SLC17A5: variants seen among roughly 807,000 people sequenced by gnomAD.
SLC17A5 encodes the protein solute carrier family 17 member 5.
SLC17A5 carries 47 observed loss-of-function variants against 59.4 expected under a neutral mutation model. The observed-to-expected ratio is 0.79, with a 90% confidence interval of 0.63 to 1.01. The LOEUF is 1.01. SLC17A5 is among the 50% of genes least tolerant of loss of function. The pLI is 0.00. For synonymous variants in SLC17A5, 202 were observed against 210.7 expected (o/e 0.96, Z 0.36); for missense variants, 522 against 595.5 (o/e 0.88, Z 1.28).
intron 7 of SLC17A5, among the ~76,000 whole-genome samples, chr6:73,621,016 A>G (rs1200486280): frequency 6.9e-6 from 1 of 144,758 alleles, no homozygotes; most frequent in Non-Finnish European, 1.5e-5. Context: ...TATTATTATT[A>G]TTTTTTGAGA....
intron 7 of SLC17A5, among the ~76,000 whole-genome samples, chr6:73,616,199 A>C (rs1456079721): frequency 6.6e-6 from 1 of 152,068 alleles, no homozygotes; most frequent in East Asian, 1.9e-4. Flanking sequence ...AGTCTTTCTA[A>C]TGACCATCTA....
intron 1 of SLC17A5, chr6:73,653,457 A>AC (rs2150127585): frequency 1.0e-6 from 1 of 984,986 alleles, no homozygotes; most frequent in East Asian, 1.1e-4. Flanking sequence ...GCTCAGCACT[A>AC]CCCAAAATAA....
At chr6:73,651,384 C>A (rs993790860) in intron 1 of SLC17A5, among the ~76,000 whole-genome samples, 4 of 128,818 alleles carry the variant, frequency 3.1e-5, no homozygotes, top group Non-Finnish European at 6.3e-5. Context: ...TCACTTGAAC[C>A]GGGGAGGCTG....
chr6:73,596,903 G>A (rs1013743569), intron 10 of SLC17A5, among the ~76,000 whole-genome samples: 2 of 152,122 alleles, frequency 1.3e-5, no homozygotes, highest in African/African-American at 4.8e-5. Flanking sequence ...GCTCATGCTT[G>A]TAATCCCAGC....
chr6:73,631,923 C>T (rs916455543), intron 6 of SLC17A5, among the ~76,000 whole-genome samples: 3 of 151,074 alleles, frequency 2.0e-5, no homozygotes, highest in African/African-American at 7.4e-5. Flanking sequence ...GTAGATGCTG[C>T]ACATTTCTTG....
intron 9 of SLC17A5, among the ~76,000 whole-genome samples, chr6:73,601,488 C>T (rs1380281898): frequency 7.4e-6 from 1 of 135,268 alleles, no homozygotes; most frequent in Non-Finnish European, 1.6e-5. Context: ...GCCTGGCCAG[C>T]CGCCCCGTCC....
At position 73,601,111 on chromosome 6, in the gene SLC17A5, C is replaced by T. The variant is rs1175811922; in HGVS notation, c.1260-670G>A. On this transcript the variant is annotated intron_variant, in intron 9 of 10. Coordinates refer to ENST00000355773, the MANE Select transcript of SLC17A5 (RefSeq NM_012434.5). Reference sequence around the variant, plus strand: ...CTAGGAAGTGAGGAGCGCCTCTTCCCGGCAGCCATCCCATCTGGGAAGTGA... The same window carrying T: ...CTAGGAAGTGAGGAGCGCCTCTTCCTGGCAGCCATCCCATCTGGGAAGTGA... 5.3e-5 allele frequency among the ~76,000 whole-genome samples: 8 copies of T among 151,072 alleles called. No homozygotes were observed. The East Asian group carries it at 9.8e-4, about 19-fold the overall frequency.
Position 73,593,436 on chromosome 6 carries a change from A to G in SLC17A5, c.*1641T>C, listed in dbSNP as rs1766657488. 1 of 152,284 alleles carries G rather than the reference A, an allele frequency of 6.6e-6. No individual in the cohort carries two copies. Among genetic ancestry groups the G allele is most frequent in the African/African-American group, 2.4e-5 (1 of 41,472 alleles). The allele number at this position is 152,284 out of a possible 1,614,324, so 9.4% of individuals were successfully genotyped here. A position where few individuals can be genotyped will look rare whatever the true frequency, so the allele number is the denominator to read the frequency against. On this transcript the variant is annotated 3_prime_UTR_variant, in exon 11 of 11. Coordinates refer to ENST00000355773, the MANE Select transcript of SLC17A5 (RefSeq NM_012434.5). ...AAAAGAAACATTGCCATAGCAATTT[A>G]AAGCTATTTACAAATTTAAAAATAA... is the stretch of plus-strand genomic sequence containing the variant.
intron 5 of SLC17A5, 61 bp from the exon 6 acceptor site, chr6:73,635,561 A>C: frequency 3.6e-6 from 3 of 828,232 alleles, no homozygotes; most frequent in Non-Finnish European, 5.7e-6. Flanking sequence ...AAACAAAACA[A>C]AACAAAAACA....
intron 4 of SLC17A5, 99 bp from the exon 5 acceptor site, chr6:73,636,806 C>T: frequency 1.2e-6 from 1 of 865,230 alleles, no homozygotes; most frequent in Non-Finnish European, 2.0e-6. Flanking sequence ...ACAGGCTGGG[C>T]ACAGTGGCTC....
intron 10 of SLC17A5, among the ~76,000 whole-genome samples, chr6:73,596,603 T>A (rs1766810847): frequency 6.6e-6 from 1 of 152,176 alleles, no homozygotes; most frequent in Non-Finnish European, 1.5e-5. Flanking sequence ...ACGCCTGTAA[T>A]CCCAGCACTT....
Position 73,621,958 on chromosome 6 carries a change from G to A in SLC17A5, c.824C>T (p.Ser275Phe), listed in dbSNP as rs770570236. ...YILSSLRNQL[S>F]SQKSVPWVPI... ...TACCCACGGCACTGACTTCTGTGAA[G>A]AAAGCTGAAGAAAACAGGAATAATT... The change falls in exon 7 of 11, where the codon TCT becomes TTT. Residue 275 changes from serine (S) to phenylalanine (F), a missense_variant. By Grantham distance (155) the Ser-to-Phe change is radical. This residue lies in a region of SLC17A5 where 338 missense variants were observed against 363.8 expected (regional missense o/e 0.93). Transcript: ENST00000355773. 1 of 1,613,906 alleles carries A rather than the reference G, an allele frequency of 6.2e-7. No individual in the cohort carries two copies. Among genetic ancestry groups the A allele is most frequent in the East Asian group, 2.2e-5 (1 of 44,836 alleles).
intron 6 of SLC17A5, among the ~76,000 whole-genome samples, chr6:73,627,477 C>T (rs1047971816): frequency 6.6e-6 from 1 of 152,068 alleles, no homozygotes; most frequent in African/African-American, 2.4e-5. Context: ...TAAGAAGGTA[C>T]AAAACAGCTT....
intron 7 of SLC17A5, among the ~76,000 whole-genome samples, chr6:73,620,185 A>C (rs1768077864): frequency 6.6e-6 from 1 of 152,098 alleles, no homozygotes; most frequent in Non-Finnish European, 1.5e-5. Flanking sequence ...GGCCTCCCAA[A>C]GTGCTGGTAT....
At chr6:73,618,368 A>G (rs146576276) in intron 7 of SLC17A5, 61 of 281,370 alleles carry the variant, frequency 2.2e-4, no homozygotes, top group African/African-American at 1.2e-3. Flanking sequence ...AATTTCCTTC[A>G]TCCCTCTCCA....
intron 9 of SLC17A5, among the ~76,000 whole-genome samples, chr6:73,603,224 T>A (rs1273404277): frequency 4.6e-5 from 7 of 151,958 alleles, no homozygotes; most frequent in Admixed American, 4.6e-4. Context: ...CTCCGCCTCC[T>A]AGGTTCAAGT....
chr6:73,599,693 A>G (rs1451745778), intron 10 of SLC17A5, among the ~76,000 whole-genome samples: 2 of 152,270 alleles, frequency 1.3e-5, no homozygotes, highest in Non-Finnish European at 2.9e-5. Flanking sequence ...GTGTCACTTA[A>G]GGAATTAGAA....
intron 6 of SLC17A5, among the ~76,000 whole-genome samples, chr6:73,625,303 CA>C (rs1334005900): frequency 4.6e-5 from 7 of 152,196 alleles, no homozygotes; most frequent in African/African-American, 7.2e-5. Flanking sequence ...TCTCCTGCCT[CA>C]GCCTCCCGAG....
intron 1 of SLC17A5, chr6:73,653,287 C>T (rs569613389): frequency 1.0e-6 from 1 of 985,452 alleles, no homozygotes; most frequent in Admixed American, 6.1e-5. Context: ...CTGGCGGATA[C>T]GCAGTGGCGG....
Sources: allele counts gnomAD v4.1 joint callset (sites outside exome capture counted in the v4.1 genomes callset), GRCh38; gene constraint gnomAD v4.1.1; regional missense constraint gnomAD v4.1.1; transcripts MANE v1.5; gene names NCBI Gene and HGNC (gene_info 2026-07-23, HGNC 2026-07-21).